SCAI: variants seen among roughly 807,000 people sequenced by gnomAD.
SCAI encodes suppressor of cancer cell invasion.
Under a neutral mutation model 92.2 loss-of-function variants are expected in SCAI, and 24 were observed. That is an observed-to-expected ratio of 0.26 (90% CI 0.19 to 0.37). The LOEUF (loss-of-function observed/expected upper bound fraction) is 0.37, where lower values mean the gene tolerates loss of function less well. Ranked by LOEUF, SCAI falls within the 10% of genes least tolerant of loss-of-function variation. The pLI, the probability that SCAI is intolerant of heterozygous loss-of-function variation, is 1.00. For synonymous variants in SCAI, 261 were observed against 258.6 expected (o/e 1.01, Z -0.09); for missense variants, 450 against 736.2 (o/e 0.61, Z 4.50).
At chr9:125,043,173 C>T (rs2131113348) in intron 3 of SCAI, among the ~76,000 whole-genome samples, 1 of 152,150 alleles carries the variant, frequency 6.6e-6, no homozygotes, top group Non-Finnish European at 1.5e-5. Flanking sequence ...TGGCCTGCTC[C>T]CTGGCTCTTA....
chr9:125,064,043 G>A (rs896096865), intron 2 of SCAI, among the ~76,000 whole-genome samples: 4 of 152,080 alleles, frequency 2.6e-5, no homozygotes, highest in African/African-American at 7.2e-5. Flanking sequence ...GTGAGCCACC[G>A]CGCCCAGCCA....
intron 2 of SCAI, among the ~76,000 whole-genome samples, chr9:125,098,595 A>G (rs1834612888): frequency 6.6e-6 from 1 of 152,230 alleles, no homozygotes; most frequent in African/African-American, 2.4e-5. Flanking sequence ...TGGCAGGCCA[A>G]TAACCTGTAA....
chr9:125,110,066 G>C lies in SCAI; in HGVS notation c.98+32567C>G, dbSNP rs1834901121. On this transcript the variant is annotated intron_variant, in intron 2 of 17. Coordinates refer to ENST00000336505, the MANE Select transcript of SCAI (RefSeq NM_001144877.3). ...ATGATAGGAAGTTTTAGTAAATACAGAATCTACCCACTAGTTGATATTCTA... is the reference window on the plus strand; with the variant it reads ...ATGATAGGAAGTTTTAGTAAATACACAATCTACCCACTAGTTGATATTCTA... 2.0e-5 allele frequency among the ~76,000 whole-genome samples: 3 copies of C among 152,120 alleles called. No homozygotes were observed. In the South Asian group the frequency reaches 6.2e-4, roughly 32 times the overall value.
At chr9:124,953,191 T>C (rs1554774098) in intron 17 of SCAI, among the ~76,000 whole-genome samples, 10 of 152,240 alleles carry the variant, frequency 6.6e-5, no homozygotes, top group Non-Finnish European at 2.9e-5. Flanking sequence ...AAATGTTTAC[T>C]GAGGCCTATT....
chr9:125,138,717 T>C (rs72765298), intron 2 of SCAI, among the ~76,000 whole-genome samples: 13,628 of 152,138 alleles, frequency 0.09, 833 homozygotes, highest in Non-Finnish European at 0.13. Flanking sequence ...CCCGGCCCAA[T>C]TTTGTATTTT....
chr9:124,990,730 G>T (rs143212862), intron 14 of SCAI, among the ~76,000 whole-genome samples: 1 of 152,244 alleles, frequency 6.6e-6, no homozygotes, highest in East Asian at 1.9e-4. Flanking sequence ...AAGAAAAATG[G>T]TGGTTAAAAA....
At chr9:124,986,620 G>C (rs1831996668) in intron 14 of SCAI, among the ~76,000 whole-genome samples, 1 of 152,180 alleles carries the variant, frequency 6.6e-6, no homozygotes, top group South Asian at 2.1e-4. Context: ...TATGTGAAGA[G>C]AAAATGAGAA....
At chr9:124,968,761 T>C in intron 17 of SCAI, 2 of 1,063,456 alleles carry the variant, frequency 1.9e-6, no homozygotes, top group South Asian at 2.5e-5. Context: ...AGGTTCAAAC[T>C]GGCATGGTGG....
chr9:124,969,502 T>A (rs1490263285), intron 17 of SCAI, among the ~76,000 whole-genome samples: 1 of 152,192 alleles, frequency 6.6e-6, no homozygotes, highest in Admixed American at 6.5e-5. Flanking sequence ...AACACATTCT[T>A]TACAAAGAGA....
intron 9 of SCAI, among the ~76,000 whole-genome samples, chr9:125,018,258 C>A (rs906045559): frequency 6.6e-6 from 1 of 151,734 alleles, no homozygotes; most frequent in African/African-American, 2.4e-5. Context: ...CCATGGCTGG[C>A]TAATTTTTGC....
At chr9:125,124,169 C>T (rs1233537740) in intron 2 of SCAI, among the ~76,000 whole-genome samples, 5 of 152,034 alleles carry the variant, frequency 3.3e-5, no homozygotes, top group Non-Finnish European at 7.4e-5. Flanking sequence ...CTCTGAAAAA[C>T]CTGAAATGAG....
intron 2 of SCAI, among the ~76,000 whole-genome samples, chr9:125,111,159 T>C (rs770396255): frequency 5.9e-5 from 9 of 151,848 alleles, no homozygotes; most frequent in Non-Finnish European, 1.2e-4. Flanking sequence ...TAAAAAAGGA[T>C]CGTGACTAAG....
chr9:124,993,455 T>C (rs1394250652), intron 14 of SCAI, among the ~76,000 whole-genome samples: 1 of 152,190 alleles, frequency 6.6e-6, no homozygotes, highest in Non-Finnish European at 1.5e-5. Context: ...CCGGGCATAG[T>C]GGCGCATGCC....
intron 17 of SCAI, among the ~76,000 whole-genome samples, chr9:124,954,558 G>A (rs1936010658): frequency 6.6e-6 from 1 of 152,190 alleles, no homozygotes; most frequent in African/African-American, 2.4e-5. Flanking sequence ...ATGTCACACA[G>A]CTAGTGAGAG....
At chr9:125,140,204 C>T (rs565215175) in intron 2 of SCAI, among the ~76,000 whole-genome samples, 17 of 151,640 alleles carry the variant, frequency 1.1e-4, no homozygotes, top group African/African-American at 4.1e-4. Context: ...GAGCCAAGCC[C>T]TGTCTCAGAA....
intron 2 of SCAI, among the ~76,000 whole-genome samples, chr9:125,065,742 G>C (rs567242670): frequency 6.6e-6 from 1 of 152,156 alleles, no homozygotes; most frequent in South Asian, 2.1e-4. Flanking sequence ...TGACAAAATT[G>C]GACTTATTTT....
At chr9:125,031,392 A>C (rs533159897) in intron 3 of SCAI, among the ~76,000 whole-genome samples, 1 of 151,846 alleles carries the variant, frequency 6.6e-6, no homozygotes, top group South Asian at 2.1e-4. Flanking sequence ...CTCCCAAGTA[A>C]CTGGGGCTAC....
chr9:125,045,539 T>G (rs765780354), intron 3 of SCAI, among the ~76,000 whole-genome samples: 3 of 152,188 alleles, frequency 2.0e-5, no homozygotes, highest in Non-Finnish European at 4.4e-5. Context: ...TCTCACTTTG[T>G]TGCCCAGGCT....
At chr9:124,996,383 C>T (rs1832240528) in intron 13 of SCAI, among the ~76,000 whole-genome samples, 1 of 152,222 alleles carries the variant, frequency 6.6e-6, no homozygotes. Context: ...CTAACTGCAG[C>T]CTCGATCTCC....
Sources: allele counts gnomAD v4.1 joint callset (sites outside exome capture counted in the v4.1 genomes callset), GRCh38; gene constraint gnomAD v4.1.1; transcripts MANE v1.5; gene names NCBI Gene and HGNC (gene_info 2026-07-23, HGNC 2026-07-21).